The following FHIT variants were observed in gnomAD, a reference collection of about 807,000 sequenced individuals.
FHIT encodes the protein bis(5'-adenosyl)-triphosphatase.
In FHIT, 19 loss-of-function variants were observed where a neutral mutation model predicts 17.9. The ratio of observed to expected loss-of-function variants is 1.06; its 90% CI spans 0.74 to 1.56. FHIT has a LOEUF of 1.56. Among genes scored for constraint, FHIT ranks in the 40% most tolerant of loss-of-function variants. FHIT has a pLI of 0.00. For synonymous variants in FHIT, 81 were observed against 69.7 expected, an observed-to-expected ratio of 1.16 and a Z score of -0.81; for missense variants, 248 against 189.2, an observed-to-expected ratio of 1.31 and a Z score of -1.82.
intron 4 of FHIT, among the ~76,000 whole-genome samples, chr3:60,799,750 T>C (rs1701121548): frequency 6.6e-6 from 1 of 152,196 alleles, no homozygotes; most frequent in African/African-American, 2.4e-5. Flanking sequence ...GTCCATTCAG[T>C]CTAATATATA....
intron 3 of FHIT, among the ~76,000 whole-genome samples, chr3:60,842,832 C>T (rs1553745522): frequency 6.6e-6 from 1 of 151,520 alleles, no homozygotes; most frequent in African/African-American, 2.4e-5. Flanking sequence ...GAGGATCACC[C>T]GTACTACTGT....
At chr3:60,906,482 C>A (rs782454698) in intron 3 of FHIT, among the ~76,000 whole-genome samples, 28 of 152,212 alleles carry the variant, frequency 1.8e-4, no homozygotes, top group Admixed American at 1.2e-3. Flanking sequence ...GCAATGAACC[C>A]ACCTAGCGGC....
intron 4 of FHIT, among the ~76,000 whole-genome samples, chr3:60,734,903 A>G (rs2042104613): frequency 6.6e-6 from 1 of 152,222 alleles, no homozygotes; most frequent in Non-Finnish European, 1.5e-5. Context: ...GCTGATTTAA[A>G]TAAATAAATT....
chr3:60,941,009 T>G (rs59156255), intron 3 of FHIT, among the ~76,000 whole-genome samples: 56,666 of 152,020 alleles, frequency 0.37, 11,236 homozygotes, highest in Middle Eastern at 0.47. Context: ...AAAGAAACAG[T>G]TGAAATTAAT....
At chr3:60,098,058 T>C (rs1165835945) in intron 5 of FHIT, among the ~76,000 whole-genome samples, 1 of 151,702 alleles carries the variant, frequency 6.6e-6, no homozygotes, top group Non-Finnish European at 1.5e-5. Flanking sequence ...TTATTTTTTA[T>C]GGCTGCATAG....
chr3:60,643,291 T>C (rs782351359), intron 4 of FHIT, among the ~76,000 whole-genome samples: 1 of 151,944 alleles, frequency 6.6e-6, no homozygotes, highest in Non-Finnish European at 1.5e-5. Flanking sequence ...TGCTCATAGA[T>C]GGGTAGAATC....
At chr3:60,942,812 G>A (rs760876145) in intron 3 of FHIT, among the ~76,000 whole-genome samples, 10 of 151,616 alleles carry the variant, frequency 6.6e-5, no homozygotes, top group African/African-American at 1.7e-4. Context: ...GTCTCCTTCC[G>A]TTTCTAACGT....
intron 5 of FHIT, among the ~76,000 whole-genome samples, chr3:60,088,601 T>C (rs549563223): frequency 2.6e-5 from 4 of 152,312 alleles, no homozygotes; most frequent in Admixed American, 1.3e-4. Context: ...GAGGAGAACA[T>C]TCCTTTTTTT....
intron 8 of FHIT, among the ~76,000 whole-genome samples, chr3:59,796,401 ACT>A (rs1376820124): frequency 3.3e-5 from 5 of 151,752 alleles, no homozygotes; most frequent in Non-Finnish European, 7.4e-5. Flanking sequence ...TGCCTGTGAC[ACT>A]CTGTTTCCAG....
chr3:60,814,343 C>T (rs907102555), intron 4 of FHIT, among the ~76,000 whole-genome samples: 38 of 152,032 alleles, frequency 2.5e-4, no homozygotes, highest in African/African-American at 8.5e-4. Context: ...GGTTTTTCAA[C>T]CTTTTCCCCT....
chr3:60,328,381 A>C (rs1470633978), intron 5 of FHIT, among the ~76,000 whole-genome samples: 1 of 152,232 alleles, frequency 6.6e-6, no homozygotes, highest in African/African-American at 2.4e-5. Context: ...TCACACTTCC[A>C]CATGGCTGGA....
At chr3:60,918,716 C>T (rs894473558) in intron 3 of FHIT, among the ~76,000 whole-genome samples, 22 of 152,132 alleles carry the variant, frequency 1.4e-4, no homozygotes, top group African/African-American at 5.3e-4. Context: ...AGCATGGAAC[C>T]TTGGTGTTAC....
intron 8 of FHIT, among the ~76,000 whole-genome samples, chr3:59,821,363 G>A (rs1309591447): frequency 6.6e-6 from 1 of 152,180 alleles, no homozygotes; most frequent in African/African-American, 2.4e-5. Context: ...GGTAAAGAGT[G>A]CTCTGAGGAT....
intron 9 of FHIT, chr3:59,751,053 T>C (rs973694705): frequency 2.2e-5 from 4 of 180,920 alleles, no homozygotes; most frequent in Non-Finnish European, 4.7e-5. Flanking sequence ...AAACTATTTA[T>C]AGGAGAGGAT....
intron 7 of FHIT, among the ~76,000 whole-genome samples, chr3:59,936,715 A>G (rs937546180): frequency 1.3e-5 from 2 of 152,132 alleles, no homozygotes; most frequent in African/African-American, 4.8e-5. Flanking sequence ...GGAATTAGCA[A>G]CTTGTCCTGT....
At chr3:61,179,167 GC>G (rs2038253207) in intron 2 of FHIT, among the ~76,000 whole-genome samples, 1 of 151,822 alleles carries the variant, frequency 6.6e-6, no homozygotes, top group Non-Finnish European at 1.5e-5. Context: ...GTGCCACCAT[GC>G]CTGGCTAATT....
intron 5 of FHIT, among the ~76,000 whole-genome samples, chr3:60,293,243 T>G (rs1246350517): frequency 6.6e-6 from 1 of 152,110 alleles, no homozygotes; most frequent in Non-Finnish European, 1.5e-5. Flanking sequence ...AAACAGAAAT[T>G]TTGACTTTGC....
chr3:60,520,057 C>T (rs1317153640), intron 5 of FHIT, among the ~76,000 whole-genome samples: 1 of 152,072 alleles, frequency 6.6e-6, no homozygotes, highest in Non-Finnish European at 1.5e-5. Context: ...TTTCATACAC[C>T]ATCTTTATAT....
chr3:60,971,555 T>C (rs548605721), intron 3 of FHIT, among the ~76,000 whole-genome samples: 1 of 152,240 alleles, frequency 6.6e-6, no homozygotes, highest in South Asian at 2.1e-4. Context: ...ATCTATGCAT[T>C]GGAGAAAGGG....
Sources: gnomAD v4.1 joint callset for allele counts (sites outside exome capture counted in the v4.1 genomes callset) on GRCh38, gnomAD v4.1.1 for gene constraint, MANE v1.5 for transcripts, NCBI Gene and HGNC (gene_info 2026-07-23, HGNC 2026-07-21) for gene names.